The following SPECC1L variants were observed in gnomAD, a reference collection of about 807,000 sequenced individuals.
SPECC1L encodes the protein cytospin-A.
In SPECC1L, 40 loss-of-function variants were observed where a neutral mutation model predicts 116.8. The ratio of observed to expected loss-of-function variants is 0.34; its 90% CI spans 0.27 to 0.45. The LOEUF is 0.45. SPECC1L is among the 20% of genes least tolerant of loss of function. The pLI is 1.00. For synonymous variants in SPECC1L, 504 were observed against 500.6 expected (o/e 1.01, Z -0.09); for missense variants, 1,110 against 1,373.6 (o/e 0.81, Z 3.03).
At chr22:24,277,758 A>G (rs1382121632) in intron 2 of SPECC1L, among the ~76,000 whole-genome samples, 2 of 152,170 alleles carry the variant, frequency 1.3e-5, no homozygotes, top group South Asian at 2.1e-4. Flanking sequence ...TCAGTTGTTC[A>G]TGCTTTATTT....
intron 2 of SPECC1L, among the ~76,000 whole-genome samples, chr22:24,289,854 G>A (rs1399933103): frequency 6.6e-6 from 1 of 152,072 alleles, no homozygotes; most frequent in Non-Finnish European, 1.5e-5. Flanking sequence ...TGCAGTGTGG[G>A]CTTTCCACAT....
At chr22:24,401,724 T>G (rs2042478278) in intron 14 of SPECC1L, among the ~76,000 whole-genome samples, 1 of 152,192 alleles carries the variant, frequency 6.6e-6, no homozygotes, top group Non-Finnish European at 1.5e-5. Context: ...CCATTGTACT[T>G]AACACCTAAC....
At chr22:24,374,982 A>C (rs1215149043) in intron 14 of SPECC1L, among the ~76,000 whole-genome samples, 1 of 152,108 alleles carries the variant, frequency 6.6e-6, no homozygotes, top group East Asian at 1.9e-4. Flanking sequence ...TAAAGTTACC[A>C]AAATCAGGAA....
At chr22:24,317,878 C>T (rs1431367682) in intron 4 of SPECC1L, among the ~76,000 whole-genome samples, 6 of 151,600 alleles carry the variant, frequency 4.0e-5, no homozygotes, top group Admixed American at 6.6e-5. Context: ...CCTCACATCC[C>T]GGACGGGGCG....
chr22:24,337,222 G>A (rs775126264), intron 9 of SPECC1L, among the ~76,000 whole-genome samples: 5 of 152,102 alleles, frequency 3.3e-5, no homozygotes, highest in Non-Finnish European at 5.9e-5. Flanking sequence ...ACAAAATGTG[G>A]TATATTCATA....
At chr22:24,293,729 A>G (rs992645667) in intron 2 of SPECC1L, among the ~76,000 whole-genome samples, 2 of 137,242 alleles carry the variant, frequency 1.5e-5, no homozygotes, top group Admixed American at 7.6e-5. Flanking sequence ...GCCAGTGGAC[A>G]CAGGGTACTG....
intron 3 of SPECC1L, among the ~76,000 whole-genome samples, chr22:24,311,768 G>GCACT (rs1419936559): frequency 7.3e-6 from 1 of 137,456 alleles, no homozygotes; most frequent in African/African-American, 2.8e-5. Flanking sequence ...TCATGCCAGT[G>GCACT]CACTCCAGCC....
intron 14 of SPECC1L, among the ~76,000 whole-genome samples, chr22:24,397,298 G>A (rs1203178971): frequency 6.6e-6 from 1 of 152,160 alleles, no homozygotes; most frequent in Admixed American, 6.5e-5. Flanking sequence ...ACTATATTGA[G>A]CATCTCTTTC....
intron 13 of SPECC1L, among the ~76,000 whole-genome samples, chr22:24,367,429 T>G (rs969518709): frequency 8.5e-5 from 13 of 152,246 alleles, no homozygotes; most frequent in African/African-American, 3.1e-4. Context: ...TGAGATTTTT[T>G]TTTTTGCAAT....
At position 24,330,365 on chromosome 22, in the gene SPECC1L, G is replaced by A. The variant is rs777233000; in HGVS notation, c.2330G>A (p.Arg777Gln). ...AQEEIGDLKRRLHEAQEKNEK... is the reference protein window; with the variant it reads ...AQEEIGDLKRQLHEAQEKNEK... Reference sequence around the variant, plus strand: ...GAGGAGATTGGTGATCTAAAGCGCCGGTTACATGAGGCTCAAGAAAAAAAT... The same window carrying A: ...GAGGAGATTGGTGATCTAAAGCGCCAGTTACATGAGGCTCAAGAAAAAAAT... The change falls in exon 8 of 17, where the codon CGG (arginine) becomes CAG (glutamine). Residue 777 changes from arginine to glutamine, a missense_variant. This residue lies in a region of SPECC1L where 575 missense variants were observed against 682.4 expected (regional missense o/e 0.84). Transcript: ENST00000314328. 6 of 1,614,080 alleles carry A rather than the reference G, an allele frequency of 3.7e-6. No individual in the cohort carries two copies. Among genetic ancestry groups the A allele is most frequent in the Admixed American group, 1.7e-5 (1 of 60,010 alleles).
intron 11 of SPECC1L, among the ~76,000 whole-genome samples, chr22:24,356,869 T>C (rs1172462842): frequency 6.6e-6 from 1 of 152,132 alleles, no homozygotes; most frequent in Non-Finnish European, 1.5e-5. Flanking sequence ...GCCTTGCCTT[T>C]ATTGGCGTCC....
intron 3 of SPECC1L, among the ~76,000 whole-genome samples, chr22:24,306,935 A>C (rs536376197): frequency 6.6e-6 from 1 of 152,320 alleles, no homozygotes; most frequent in South Asian, 2.1e-4. Context: ...TATTTAACTT[A>C]GCATCATGTC....
intron 10 of SPECC1L, 117 bp from the exon 11 acceptor site, chr22:24,346,969 T>C (rs149045060): frequency 3.6e-6 from 3 of 829,496 alleles, no homozygotes; most frequent in Non-Finnish European, 6.2e-6. Flanking sequence ...AACCTTACTA[T>C]AGCAGTATGG....
intron 1 of SPECC1L, among the ~76,000 whole-genome samples, chr22:24,273,200 A>G (rs1450575365): frequency 6.6e-6 from 1 of 152,254 alleles, no homozygotes; most frequent in Non-Finnish European, 1.5e-5. Context: ...GACTTGACAC[A>G]CAGTGCATCT....
chr22:24,346,253 A>C (rs182474793), intron 10 of SPECC1L, among the ~76,000 whole-genome samples: 1 of 152,036 alleles, frequency 6.6e-6, no homozygotes, highest in Non-Finnish European at 1.5e-5. Flanking sequence ...TGATCCGCCC[A>C]CCTCAGCCTC....
intron 3 of SPECC1L, among the ~76,000 whole-genome samples, chr22:24,311,148 A>G (rs1453325064): frequency 1.3e-5 from 2 of 152,150 alleles, no homozygotes; most frequent in East Asian, 3.9e-4. Flanking sequence ...TATAAGTGCA[A>G]AGTTTATGAT....
At position 24,321,321 on chromosome 22, in the gene SPECC1L, C is replaced by T. The variant is rs2040718634; in HGVS notation, c.341C>T (p.Thr114Ile). ...TASSTKRSTS[T>I]GNKESSSTRE... ...TCTTCAACCAAGCGGAGCACTTCTA[C>T]AGGTAATAAAGAATCCAGTTCTACT... Residue 114 changes from threonine to isoleucine, a missense_variant, in exon 5 of 17, where the codon ACA (threonine) becomes ATA (isoleucine). Transcript: ENST00000314328. The T allele has an allele frequency of 8.1e-6, 13 of 1,614,092 alleles. No homozygotes were observed. Among genetic ancestry groups the T allele is most frequent in the Non-Finnish European group, 1.1e-5 (13 of 1,180,046 alleles).
intron 4 of SPECC1L, among the ~76,000 whole-genome samples, chr22:24,316,425 G>C (rs1264580713): frequency 2.0e-5 from 3 of 151,044 alleles, no homozygotes; most frequent in Non-Finnish European, 4.4e-5. Context: ...GGACCCTGCG[G>C]CCTTCCGCAG....
chr22:24,300,227 T>C (rs1200818576), intron 2 of SPECC1L, among the ~76,000 whole-genome samples: 3 of 152,180 alleles, frequency 2.0e-5, no homozygotes, highest in Non-Finnish European at 4.4e-5. Flanking sequence ...AGCAAGAACA[T>C]GCAGTGTTTG....
Sources: allele counts gnomAD v4.1 joint callset (sites outside exome capture counted in the v4.1 genomes callset), GRCh38; gene constraint gnomAD v4.1.1; regional missense constraint gnomAD v4.1.1; transcripts MANE v1.5; gene names NCBI Gene and HGNC (gene_info 2026-07-23, HGNC 2026-07-21).